The following PLCL1 variants were observed in gnomAD, a reference collection of about 807,000 sequenced individuals.
PLCL1 encodes the protein inactive phospholipase C-like protein 1.
PLCL1 carries 41 observed loss-of-function variants against 84.4 expected under a neutral mutation model. The observed-to-expected ratio is 0.49, with a 90% CI of 0.38 to 0.63. The LOEUF (loss-of-function observed/expected upper bound fraction) is 0.63, where lower values mean the gene tolerates loss of function less well. Among genes scored for constraint, PLCL1 ranks in the 30% least tolerant of loss-of-function variants. The pLI is 0.00. For missense variants in PLCL1, 1,206 were observed against 1,367.8 expected (o/e 0.88, Z 1.87); for synonymous variants, 490 against 488.3 (o/e 1.00, Z -0.05).
chr2:198,055,365 AAG>A (rs3068250), intron 1 of PLCL1, among the ~76,000 whole-genome samples: 88,402 of 128,790 alleles, frequency 0.69, 29,393 homozygotes, highest in Middle Eastern at 0.83. Flanking sequence ...GAGAGAGAGA[AAG>A]AGAGAGAGAG....
intron 1 of PLCL1, among the ~76,000 whole-genome samples, chr2:198,074,824 T>C (rs1692541574): frequency 6.6e-6 from 1 of 152,212 alleles, no homozygotes; most frequent in South Asian, 2.1e-4. Flanking sequence ...TAAAGTATTT[T>C]AAGTAAATGT....
chr2:197,999,045 G>A (rs1463077021), intron 1 of PLCL1, among the ~76,000 whole-genome samples: 1 of 152,190 alleles, frequency 6.6e-6, no homozygotes, highest in Non-Finnish European at 1.5e-5. Context: ...GCCATGGGTA[G>A]GACAGCTCAA....
intron 1 of PLCL1, among the ~76,000 whole-genome samples, chr2:198,001,589 T>C (rs895752859): frequency 6.6e-6 from 1 of 152,252 alleles, no homozygotes; most frequent in Non-Finnish European, 1.5e-5. Flanking sequence ...CTGGCTTCTT[T>C]GACTCCTATT....
chr2:197,815,704 G>A lies in PLCL1; in HGVS notation c.240+10365G>A, dbSNP rs114939200. Among the ~76,000 whole-genome samples, 725 of 152,212 alleles carry A rather than the reference G, an allele frequency of 4.8e-3. 7 individuals are homozygous for A. Among genetic ancestry groups the A allele is most frequent in the African/African-American group, 0.016 (676 of 41,542 alleles). On this transcript the variant is annotated intron_variant, in intron 1 of 5. Transcript: ENST00000428675. ...GGAGGTAAAAATATCAACATTAGCAGGAATTTGGAAGAAGTTGATTCCAAC... is the reference window on the plus strand; with the variant it reads ...GGAGGTAAAAATATCAACATTAGCAAGAATTTGGAAGAAGTTGATTCCAAC...
At chr2:198,018,697 C>A (rs1691059016) in intron 1 of PLCL1, among the ~76,000 whole-genome samples, 1 of 152,216 alleles carries the variant, frequency 6.6e-6, no homozygotes, top group Admixed American at 6.5e-5. Flanking sequence ...CCTCTCTGGG[C>A]AGGGCATCTC....
intron 1 of PLCL1, among the ~76,000 whole-genome samples, chr2:197,922,487 C>G (rs1410769522): frequency 8.5e-6 from 1 of 118,336 alleles, no homozygotes; most frequent in Non-Finnish European, 1.8e-5. Flanking sequence ...TTCCACAAAG[C>G]CGCCATTGTC....
intron 1 of PLCL1, among the ~76,000 whole-genome samples, chr2:197,972,045 A>G (rs1689879261): frequency 6.6e-6 from 1 of 152,232 alleles, no homozygotes. Context: ...TCCCTGGGTT[A>G]GGCTCCAATT....
intron 1 of PLCL1, among the ~76,000 whole-genome samples, chr2:197,827,556 G>T (rs1301883187): frequency 1.3e-5 from 2 of 151,816 alleles, no homozygotes; most frequent in Non-Finnish European, 2.9e-5. Flanking sequence ...ATATAATCTA[G>T]GTGTTGTCAA....
At chr2:197,913,337 C>T (rs986344248) in intron 1 of PLCL1, among the ~76,000 whole-genome samples, 3 of 152,218 alleles carry the variant, frequency 2.0e-5, no homozygotes, top group Admixed American at 1.3e-4. Flanking sequence ...TGATATTCAG[C>T]TGTGGGAAAA....
intron 1 of PLCL1, among the ~76,000 whole-genome samples, chr2:198,015,788 T>C (rs1328446297): frequency 6.6e-6 from 1 of 152,148 alleles, no homozygotes; most frequent in Non-Finnish European, 1.5e-5. Context: ...AGAGCATATG[T>C]GTGATAAATG....
chr2:198,096,469 A>G (rs1416296174), intron 3 of PLCL1, among the ~76,000 whole-genome samples: 2 of 152,126 alleles, frequency 1.3e-5, no homozygotes. Flanking sequence ...TTCCTAATAT[A>G]TTTGATCATT....
rs539077721 is a variant in PLCL1 at position 197,977,790 on chromosome 2, T to C, written c.241-105968T>C. On this transcript the variant is annotated intron_variant, in intron 1 of 5. Coordinates refer to ENST00000428675, the MANE Select transcript of PLCL1 (RefSeq NM_006226.4). ...CATTAAGACCTGGCCCTGGACTACA[T>C]TCTCAGTTTTAATTTCCATTATTTC... 1.6e-3 allele frequency among the ~76,000 whole-genome samples: 241 copies of C among 152,296 alleles called. 1 individual carries two copies. Among genetic ancestry groups the C allele is most frequent in the African/African-American group, 5.8e-3 (240 of 41,554 alleles).
At chr2:198,068,836 AC>A (rs1692378715) in intron 1 of PLCL1, among the ~76,000 whole-genome samples, 1 of 152,166 alleles carries the variant, frequency 6.6e-6, no homozygotes, top group African/African-American at 2.4e-5. Context: ...AGCCTGAACA[AC>A]ATGGAGAAAC....
At chr2:197,829,634 T>G (rs1691013666) in intron 1 of PLCL1, among the ~76,000 whole-genome samples, 1 of 152,246 alleles carries the variant, frequency 6.6e-6, no homozygotes, top group Non-Finnish European at 1.5e-5. Context: ...CCAAATGTTT[T>G]TGTTTGCTTT....
rs1367794211 is a variant in PLCL1 at position 198,086,172 on chromosome 2, C to A, written c.2655C>A (p.Asp885Glu). 6.2e-7 allele frequency: 1 copy of A among 1,613,780 alleles called. No homozygotes were observed. The highest frequency in any genetic ancestry group is 8.5e-7 in the Non-Finnish European group (1 of 1,179,754). Residue 885 changes from aspartate (D) to glutamate (E), a missense_variant, in exon 2 of 6, where the codon GAC becomes GAA. By Grantham distance (45) the Asp-to-Glu change is conservative. Coordinates refer to ENST00000428675, the MANE Select transcript of PLCL1 (RefSeq NM_006226.4). Reference protein sequence around the residue: ...LRNIGLKTIDDIFKIAVHPLR... With the variant: ...LRNIGLKTIDEIFKIAVHPLR... ...ATATCGGTCTTAAAACCATTGATGA[C>A]ATCTTTAAAATAGCGGTTCATCCAT... is the stretch of plus-strand genomic sequence containing the variant.
rs74737853 is a variant in PLCL1 at position 197,990,111 on chromosome 2, T to C, written c.241-93647T>C. ...TCTCATGTTACAGGGCGCTGCTCAA[T>C]TACCTTATTTTGAGCAGCAGACCAC... On this transcript the variant is annotated intron_variant, in intron 1 of 5. Transcript: ENST00000428675. 1.4e-4 allele frequency among the ~76,000 whole-genome samples: 22 copies of C among 152,242 alleles called. No homozygotes were observed. The East Asian group carries it at 4.1e-3, about 28-fold the overall frequency.
At chr2:197,837,760 A>T (rs1691220490) in intron 1 of PLCL1, among the ~76,000 whole-genome samples, 1 of 152,230 alleles carries the variant, frequency 6.6e-6, no homozygotes, top group South Asian at 2.1e-4. Context: ...TTGGGATTTT[A>T]TTACAAAAGC....
At chr2:197,903,730 C>G (rs1688319611) in intron 1 of PLCL1, among the ~76,000 whole-genome samples, 1 of 143,552 alleles carries the variant, frequency 7.0e-6, no homozygotes, top group Non-Finnish European at 1.5e-5. Flanking sequence ...GTCTCGATCT[C>G]CTGACCTCGT....
intron 1 of PLCL1, chr2:197,810,174 C>T: frequency 2.4e-6 from 1 of 408,278 alleles, no homozygotes; most frequent in South Asian, 2.6e-5. Context: ...GTTTATGATC[C>T]CCACAACTTC....
Sources: gnomAD v4.1 joint callset for allele counts (sites outside exome capture counted in the v4.1 genomes callset) on GRCh38, gnomAD v4.1.1 for gene constraint, MANE v1.5 for transcripts, NCBI Gene and HGNC (gene_info 2026-07-23, HGNC 2026-07-21) for gene names.